Variants in MCM5 observed in about 807,000 individuals in gnomAD.
MCM5 encodes the protein DNA replication licensing factor MCM5.
Under a neutral mutation model 79.9 loss-of-function variants are expected in MCM5, and 46 were observed. The observed-to-expected ratio is 0.58, with a 90% CI of 0.45 to 0.74. MCM5 has a LOEUF of 0.74. Ranked by LOEUF, MCM5 falls within the 30% of genes least tolerant of loss-of-function variation. The pLI, the probability that MCM5 is intolerant of heterozygous loss-of-function variation, is 0.00. For missense variants in MCM5, 883 were observed against 1,017.0 expected, an observed-to-expected ratio of 0.87 and a Z score of 1.79; for synonymous variants, 404 against 390.5, an observed-to-expected ratio of 1.03 and a Z score of -0.41.
chr22:35,417,747 C>G lies in MCM5; in HGVS notation c.1594C>G (p.Leu532Val), dbSNP rs759209034. 2 of 1,612,390 alleles carry G rather than the reference C, an allele frequency of 1.2e-6. No individual in the cohort carries two copies. The highest frequency in any genetic ancestry group is 1.7e-6 in the Non-Finnish European group (2 of 1,178,416). The change falls in exon 13 of 17, where the codon CTG (leucine) becomes GTG (valine). Residue 532 changes from leucine to valine, a missense_variant. Leu to Val is a conservative substitution (Grantham distance 32). Transcript: ENST00000216122. Reference sequence around the variant, plus strand: ...CATTATCCCCTCTGCTCTCCAGATGCTGGCCAAGCATGTCATCACTCTGCA... The same window carrying G: ...CATTATCCCCTCTGCTCTCCAGATGGTGGCCAAGCATGTCATCACTCTGCA... The part of the protein sequence containing the change: ...DEHNEERDVM[L>V]AKHVITLHVS...
At chr22:35,402,807 G>A (rs1041142776) in intron 2 of MCM5, among the ~76,000 whole-genome samples, 5 of 152,212 alleles carry the variant, frequency 3.3e-5, no homozygotes, top group African/African-American at 1.2e-4. Context: ...GCTTCCTAAA[G>A]TGTTGGGATT....
chr22:35,440,962 C>T, the MCM5 span, among the ~76,000 whole-genome samples: 3 of 150,662 alleles, frequency 2.0e-5, no homozygotes, highest in Non-Finnish European at 4.4e-5. Context: ...GAGTCTGAGG[C>T]AGGAGAATCG....
chr22:35,440,559 T>C, the MCM5 span, among the ~76,000 whole-genome samples: 1 of 152,128 alleles, frequency 6.6e-6, no homozygotes, highest in African/African-American at 2.4e-5. Context: ...GGCCATAAAT[T>C]CAGGCCAGAA....
chr22:35,415,742 A>G, intron 9 of MCM5, 87 bp from the exon 10 acceptor site: 1 of 1,483,822 alleles, frequency 6.7e-7, no homozygotes. Flanking sequence ...GACCTTGGGC[A>G]AATCACAACC....
the MCM5 span, among the ~76,000 whole-genome samples, chr22:35,443,981 T>C: frequency 3.3e-5 from 5 of 152,176 alleles, no homozygotes; most frequent in Non-Finnish European, 5.9e-5. Context: ...TTTCCTTATC[T>C]GTAAAATGGG....
chr22:35,451,995 G>A, the MCM5 span, among the ~76,000 whole-genome samples: 8 of 152,178 alleles, frequency 5.3e-5, no homozygotes, highest in East Asian at 1.9e-4. Flanking sequence ...GGTCTTAGAC[G>A]CACCTGGGCC....
rs541469567 is a variant in MCM5 at position 35,403,623 on chromosome 22, G to C, written c.423+81G>C. ...ACCTGAGTGCTAGCTGTGTGGCCTT[G>C]AGTGAGGCACTTGACCTTTCTGAAC... On this transcript the variant is annotated intron_variant, in intron 4 of 16. Coordinates refer to ENST00000216122, the MANE Select transcript of MCM5 (RefSeq NM_006739.4). 5.5e-5 allele frequency: 85 copies of C among 1,535,562 alleles called. No individual in the cohort carries two copies. The South Asian group carries it at 9.2e-4, about 17-fold the overall frequency.
At chr22:35,414,691 T>G (rs1273546231) in intron 9 of MCM5, among the ~76,000 whole-genome samples, 1 of 152,142 alleles carries the variant, frequency 6.6e-6, no homozygotes. Flanking sequence ...TGAAGTACTT[T>G]GCATATATTT....
chr22:35,444,596 C>T, the MCM5 span, among the ~76,000 whole-genome samples: 2 of 151,952 alleles, frequency 1.3e-5, no homozygotes, highest in Admixed American at 1.3e-4. Flanking sequence ...GGTCTGTGTG[C>T]GTGGTGGGCA....
At chr22:35,428,509 C>T (rs1240459959), downstream of MCM5, among the ~76,000 whole-genome samples, 3 of 151,940 alleles carry the variant, frequency 2.0e-5, no homozygotes, top group East Asian at 5.8e-4. Context: ...CCACCAGGCC[C>T]AGGGTAAAGG....
intron 8 of MCM5, 97 bp from the exon 9 acceptor site, chr22:35,413,777 TG>T (rs1175546099): frequency 1.2e-5 from 9 of 740,064 alleles, no homozygotes; most frequent in Non-Finnish European, 2.0e-5. Context: ...CCATGATAGT[TG>T]GGGGAGTCAA....
chr22:35,400,362 C>G (rs1295501450), intron 1 of MCM5, 69 bp from the exon 2 acceptor site: 6 of 1,576,748 alleles, frequency 3.8e-6, no homozygotes, highest in African/African-American at 1.3e-5. Context: ...GGCAGGGACC[C>G]AGGCGTCGGA....
rs577601747 is a variant in MCM5 at position 35,412,616 on chromosome 22, C to T, written c.1026C>T (p.Ser342=). The stretch of plus-strand genomic sequence containing the variant: ...TCATCTCCAAGAGCATCGCCCCCTC[C>T]ATCTTTGGGGGCACAGACATGAAGA... ...YEVISKSIAP[S]IFGGTDMKKA... is the part of the protein sequence containing the mutation. Residue 342 remains serine (S), a synonymous_variant, in exon 8 of 17, where the codon TCC becomes TCT. Coordinates refer to ENST00000216122, the MANE Select transcript of MCM5 (RefSeq NM_006739.4). The T allele has an allele frequency of 6.3e-7, 1 of 1,577,514 alleles. No homozygotes were observed. Among genetic ancestry groups the T allele is most frequent in the South Asian group, 1.2e-5 (1 of 86,828 alleles).
chr22:35,450,811 A>C, the MCM5 span, among the ~76,000 whole-genome samples: 1 of 151,680 alleles, frequency 6.6e-6, no homozygotes, highest in Non-Finnish European at 1.5e-5. Context: ...CCAGAGAAAA[A>C]CCCGGGTCCA....
Position 35,406,731 on chromosome 22 carries a change from T to C in MCM5, c.596+6T>C. The C allele has an allele frequency of 6.2e-7, 1 of 1,605,276 alleles. No individual in the cohort carries two copies. The highest frequency in any genetic ancestry group is 1.1e-5 in the South Asian group (1 of 91,028). On this transcript the variant is annotated splice_donor_region_variant and intron_variant, in intron 5 of 16. Coordinates refer to ENST00000216122, the MANE Select transcript of MCM5 (RefSeq NM_006739.4). The stretch of plus-strand genomic sequence containing the variant: ...CTGCCCAGGAAGTGCAACACGTGAG[T>C]CTGTGGCCCAGAGGGACTGTGGGAG...
At position 35,420,026 on chromosome 22, in the gene MCM5, C is replaced by T. The variant is rs1476128223; in HGVS notation, c.1832+14C>T. 6.3e-7 allele frequency: 1 copy of T among 1,596,678 alleles called. No individual in the cohort carries two copies. The highest frequency in any genetic ancestry group is 1.3e-5 in the African/African-American group (1 of 74,634). On this transcript the variant is annotated intron_variant, in intron 14 of 16. Transcript: ENST00000216122. ...CATCACTGTGCGGTGAGCAGGCGGG[C>T]AGGGCTGGGCCATGGCAGATGGGGC...
At chr22:35,443,656 G>A in the MCM5 span, among the ~76,000 whole-genome samples, 1 of 152,168 alleles carries the variant, frequency 6.6e-6, no homozygotes, top group African/African-American at 2.4e-5. Flanking sequence ...TCCAAATGCA[G>A]CCTGCTTGGA....
chr22:35,447,522 G>T, the MCM5 span, among the ~76,000 whole-genome samples: 1 of 151,900 alleles, frequency 6.6e-6, no homozygotes, highest in Non-Finnish European at 1.5e-5. Flanking sequence ...GCCCAGGCTG[G>T]AGTGCAGTGG....
chr22:35,454,096 TGAGA>T, the MCM5 span, among the ~76,000 whole-genome samples: 3 of 151,876 alleles, frequency 2.0e-5, no homozygotes, highest in Non-Finnish European at 2.9e-5. Flanking sequence ...ATAGAGTGAA[TGAGA>T]GAGAGACGGC....
Sources: allele counts gnomAD v4.1 joint callset (sites outside exome capture counted in the v4.1 genomes callset), GRCh38; gene constraint gnomAD v4.1.1; transcripts MANE v1.5; gene names NCBI Gene and HGNC (gene_info 2026-07-23, HGNC 2026-07-21).